MAGI1: variants seen among roughly 807,000 people sequenced by gnomAD.
MAGI1 encodes membrane associated guanylate kinase, WW and PDZ domain containing 1, also known as membrane-associated guanylate kinase, WW and PDZ domain-containing protein 1.
A neutral mutation model predicts 139.9 loss-of-function variants in MAGI1; 58 were observed. The observed-to-expected ratio is 0.41, with a 90% CI of 0.34 to 0.52. MAGI1 has a LOEUF of 0.52. Ranked by LOEUF, MAGI1 falls within the 20% of genes least tolerant of loss-of-function variation. The probability of loss-of-function intolerance (pLI) is 0.12; values close to 1 mark genes in which losing one functional copy is unlikely to be tolerated. For synonymous variants in MAGI1, 812 were observed against 737.9 expected, an observed-to-expected ratio of 1.10 and a Z score of -1.63; for missense variants, 1,874 against 1,901.6, an observed-to-expected ratio of 0.99 and a Z score of 0.27.
At chr3:65,869,243 G>A (rs1413730885) in intron 1 of MAGI1, among the ~76,000 whole-genome samples, 2 of 129,458 alleles carry the variant, frequency 1.5e-5, no homozygotes, top group Non-Finnish European at 3.1e-5. Context: ...GTGACAGAGC[G>A]AGACTCCGTC....
chr3:65,738,259 A>T (rs2034951844), intron 1 of MAGI1, among the ~76,000 whole-genome samples: 1 of 152,242 alleles, frequency 6.6e-6, no homozygotes, highest in South Asian at 2.1e-4. Context: ...TATAAAAGTT[A>T]TATTTAAACT....
chr3:65,371,984 G>C, intron 18 of MAGI1: 1 of 361,102 alleles, frequency 2.8e-6, no homozygotes, highest in Non-Finnish European at 5.4e-6. Flanking sequence ...ATGAAGGTTG[G>C]AATCAACCTC....
Position 66,018,381 on chromosome 3 carries a change from G to T in MAGI1, c.313+19615C>A, listed in dbSNP as rs2067781732. ...ATCCCATTCTCTACCTTCCAACAAG[G>T]GTATTCAGTGCCAGGAGTTAAACCC... On this transcript the variant is annotated intron_variant, in intron 1 of 22. Coordinates refer to ENST00000402939, the MANE Select transcript of MAGI1 (RefSeq NM_001033057.2). Among the ~76,000 whole-genome samples, 5 of 152,218 alleles carry T rather than the reference G, an allele frequency of 3.3e-5. No homozygotes were observed. The South Asian group carries it at 1.0e-3, about 32-fold the overall frequency.
chr3:65,751,946 T>C (rs1272656007), intron 1 of MAGI1, among the ~76,000 whole-genome samples: 1 of 152,128 alleles, frequency 6.6e-6, no homozygotes, highest in African/African-American at 2.4e-5. Context: ...GATTTTTTCG[T>C]TTGTTTGTTT....
chr3:65,711,150 A>T (rs1392062), intron 1 of MAGI1, among the ~76,000 whole-genome samples: 60,902 of 151,990 alleles, frequency 0.4, 12,541 homozygotes, highest in African/African-American at 0.45. Flanking sequence ...ACAGTGTTAG[A>T]TTTTTTGTGG....
intron 1 of MAGI1, among the ~76,000 whole-genome samples, chr3:65,855,218 A>C (rs991366355): frequency 2.2e-5 from 3 of 134,114 alleles, no homozygotes; most frequent in Non-Finnish European, 4.5e-5. Context: ...GTGAGTCCAC[A>C]AGAGAAAAAA....
chr3:65,371,533 G>A (rs1559503081), intron 18 of MAGI1, among the ~76,000 whole-genome samples: 1 of 152,174 alleles, frequency 6.6e-6, no homozygotes, highest in Non-Finnish European at 1.5e-5. Flanking sequence ...GGTGGTTGCT[G>A]AAGGTTGGGT....
intron 13 of MAGI1, among the ~76,000 whole-genome samples, chr3:65,398,166 T>C (rs1018919831): frequency 5.9e-5 from 9 of 152,046 alleles, no homozygotes; most frequent in South Asian, 2.1e-4. Context: ...TTCTGAATAA[T>C]GGATGAATGA....
At chr3:65,811,244 T>C (rs1559905325) in intron 1 of MAGI1, among the ~76,000 whole-genome samples, 1 of 152,210 alleles carries the variant, frequency 6.6e-6, no homozygotes, top group Non-Finnish European at 1.5e-5. Context: ...CAACGTCTTA[T>C]CACCCAGCCT....
chr3:65,919,399 C>CA (rs964428349), intron 1 of MAGI1, among the ~76,000 whole-genome samples: 4 of 151,612 alleles, frequency 2.6e-5, no homozygotes, highest in African/African-American at 9.7e-5. Context: ...CCCATCTCTA[C>CA]AAAAAAATTT....
chr3:65,426,646 C>T (rs1485249902), intron 12 of MAGI1, among the ~76,000 whole-genome samples: 1 of 152,158 alleles, frequency 6.6e-6, no homozygotes, highest in Non-Finnish European at 1.5e-5. Context: ...CTTCATCAAG[C>T]CTTCTCATTA....
intron 1 of MAGI1, among the ~76,000 whole-genome samples, chr3:65,695,356 T>C (rs1225021245): frequency 2.0e-5 from 3 of 152,122 alleles, no homozygotes; most frequent in African/African-American, 7.2e-5. Flanking sequence ...ACTTGCAGAG[T>C]TCACCTTATG....
At chr3:65,818,819 G>A (rs2041768686) in intron 1 of MAGI1, among the ~76,000 whole-genome samples, 1 of 152,116 alleles carries the variant, frequency 6.6e-6, no homozygotes, top group Non-Finnish European at 1.5e-5. Context: ...AGAGAAGACT[G>A]GAGCGTGCAG....
At chr3:65,377,017 C>T (rs761432868) in intron 17 of MAGI1, among the ~76,000 whole-genome samples, 34 of 152,074 alleles carry the variant, frequency 2.2e-4, no homozygotes, top group Non-Finnish European at 4.7e-4. Context: ...GAGAATTTGT[C>T]TTTCTGGGGA....
At chr3:65,940,725 T>C (rs966154126) in intron 1 of MAGI1, among the ~76,000 whole-genome samples, 2 of 152,226 alleles carry the variant, frequency 1.3e-5, no homozygotes, top group Non-Finnish European at 2.9e-5. Context: ...TTTATGGAAC[T>C]ACTACAAGGA....
intron 7 of MAGI1, among the ~76,000 whole-genome samples, chr3:65,445,477 GCAGT>G (rs1386842004): frequency 6.6e-6 from 1 of 152,286 alleles, no homozygotes; most frequent in Non-Finnish European, 1.5e-5. Flanking sequence ...CAAACATTGA[GCAGT>G]CAAAGGTTCT....
chr3:65,776,757 C>T (rs1258011279), intron 1 of MAGI1, among the ~76,000 whole-genome samples: 1 of 138,830 alleles, frequency 7.2e-6, no homozygotes, highest in African/African-American at 2.6e-5. Context: ...CACAGGCCTC[C>T]AGCCTGGAGC....
intron 2 of MAGI1, among the ~76,000 whole-genome samples, chr3:65,603,236 C>T (rs961815297): frequency 6.6e-6 from 1 of 152,056 alleles, no homozygotes; most frequent in African/African-American, 2.4e-5. Context: ...ACTTTCCATA[C>T]TGTTTATTAT....
intron 12 of MAGI1, among the ~76,000 whole-genome samples, chr3:65,424,609 G>A (rs1206187239): frequency 2.0e-5 from 3 of 152,160 alleles, no homozygotes; most frequent in African/African-American, 7.2e-5. Context: ...ATCTCCAATA[G>A]CAAGTCCCCT....
Sources: allele counts gnomAD v4.1 joint callset (sites outside exome capture counted in the v4.1 genomes callset), GRCh38; gene constraint gnomAD v4.1.1; transcripts MANE v1.5; gene names NCBI Gene and HGNC (gene_info 2026-07-23, HGNC 2026-07-21).